Variants in PRCD observed in about 807,000 individuals in gnomAD.
The protein encoded by PRCD is photoreceptor disk component PRCD.
A neutral mutation model predicts 10.1 loss-of-function variants in PRCD; 12 were observed. That is an observed-to-expected ratio of 1.18 (90% CI 0.76 to 1.92). PRCD has a LOEUF of 1.92. Among genes scored for constraint, PRCD ranks in the 40% most tolerant of loss-of-function variants. PRCD has a pLI of 0.00. For synonymous variants in PRCD, 31 were observed against 26.2 expected (o/e 1.18, Z -0.56); for missense variants, 61 against 72.2 (o/e 0.84, Z 0.56).
rs1314139126 is a variant in PRCD at position 76,531,700 on chromosome 17, A to G, written n.45+3867A>G. On this transcript the variant is annotated intron_variant and non_coding_transcript_variant, in intron 1 of 4. Coordinates refer to the PRCD transcript ENST00000397633. The surrounding 1 kb of genome is among the most constrained non-coding windows in gnomAD (Gnocchi z 7.4). ...GGAAGTTCACAAAGAACCTGGCAAGAGGAACAGGGGTGGTCGCTGAAGCTG... is the reference window on the plus strand; with the variant it reads ...GGAAGTTCACAAAGAACCTGGCAAGGGGAACAGGGGTGGTCGCTGAAGCTG... 6.3e-7 allele frequency: 1 copy of G among 1,587,580 alleles called. No homozygotes were observed. The highest frequency in any genetic ancestry group is 8.6e-7 in the Non-Finnish European group (1 of 1,160,334).
upstream of PRCD, among the ~76,000 whole-genome samples, chr17:76,537,017 G>A (rs535335812): frequency 1.1e-4 from 16 of 152,318 alleles, no homozygotes; most frequent in Middle Eastern, 3.4e-3. Flanking sequence ...CTGAGCCTCG[G>A]TTTTCCCATC....
intron 1 of PRCD, among the ~76,000 whole-genome samples, chr17:76,534,440 A>C (rs1273237330): frequency 3.3e-5 from 5 of 152,176 alleles, no homozygotes; most frequent in African/African-American, 4.8e-5. Context: ...CGGCCTCACA[A>C]AGTGCTGGGA....
At chr17:76,542,530 C>G (rs200930462) in intron 2 of PRCD, 23 bp from the exon 3 acceptor site, 1 of 1,614,122 alleles carries the variant, frequency 6.2e-7, no homozygotes, top group Admixed American at 1.7e-5. Flanking sequence ...TCAATCCTGA[C>G]CCCAGTGCTT....
At position 76,531,890 on chromosome 17, in the gene PRCD, G is replaced by A; in HGVS notation, n.45+4057G>A. On this transcript the variant is annotated intron_variant and non_coding_transcript_variant, in intron 1 of 4. Coordinates refer to the PRCD transcript ENST00000397633. The surrounding 1 kb of genome is among the most constrained non-coding windows in gnomAD (Gnocchi z 7.4). ...AGCCGGCTCACCCCTACCAAGTCTG[G>A]CCATGTCTATCTGCCAGGCTTGCTC... The A allele has an allele frequency of 1.9e-6, 1 of 529,528 alleles. No individual in the cohort carries two copies. The highest frequency in any genetic ancestry group is 3.4e-6 in the Non-Finnish European group (1 of 296,598). The allele number at this position is 529,528 out of a possible 1,614,324, so 32.8% of individuals were successfully genotyped here.
chr17:76,546,493 C>T (rs1003784832), downstream of PRCD: 1 of 151,820 alleles, frequency 6.6e-6, no homozygotes, highest in African/African-American at 2.4e-5. The surrounding 1 kb of genome is among the most constrained non-coding windows in gnomAD (Gnocchi z 4.5). Flanking sequence ...TGGGCAAGGG[C>T]AAACAGTACA....
intron 1 of PRCD, chr17:76,529,380 G>C: frequency 1.0e-6 from 1 of 985,458 alleles, no homozygotes; most frequent in Non-Finnish European, 1.2e-6. Flanking sequence ...AGCAGAAGTG[G>C]GCGGAGGAGG....
chr17:76,532,530 CT>C (rs111936272), intron 1 of PRCD, among the ~76,000 whole-genome samples: 1,797 of 125,686 alleles, frequency 0.014, 6 homozygotes, highest in Middle Eastern at 0.07. Context: ...ATGACAATGG[CT>C]TTTTTTTTTT....
chr17:76,535,941 G>A (rs956163916), upstream of PRCD, among the ~76,000 whole-genome samples: 3 of 152,208 alleles, frequency 2.0e-5, no homozygotes, highest in African/African-American at 4.8e-5. Context: ...TGTGCCAGAC[G>A]CATGCAAGGC....
chr17:76,545,251 A>G lies in PRCD; in HGVS notation c.*1601A>G, dbSNP rs2075042681. ...CCTCTCTCAGCCTAGAGCTCCCCAC[A>G]GAAGGCTCCTGGGACCCGGGTGCCC... On this transcript the variant is annotated 3_prime_UTR_variant, in exon 5 of 5. Coordinates refer to ENST00000592014, the MANE Select transcript of PRCD (RefSeq NM_001077620.3). 1 of 456,686 alleles carries G rather than the reference A, an allele frequency of 2.2e-6. No individual in the cohort carries two copies. The highest frequency in any genetic ancestry group is 4.4e-6 in the Non-Finnish European group (1 of 226,986). 28.3% of individuals were successfully genotyped at this position (456,686 alleles called of 1,614,324 possible).
Position 76,533,646 on chromosome 17 carries a change from C to T in PRCD, n.45+5813C>T, listed in dbSNP as rs1472762781. ...CCTAAAGTGGGAGGATCACTTGAAC[C>T]CGGGAGGCCAAGGCTGCAGGGAGCC... On this transcript the variant is annotated intron_variant and non_coding_transcript_variant, in intron 1 of 4. Transcript: ENST00000397633. The surrounding 1 kb of genome is among the most constrained non-coding windows in gnomAD (Gnocchi z 4.5). Among the ~76,000 whole-genome samples the T allele has an allele frequency of 1.3e-5, 2 of 152,014 alleles. No individual in the cohort carries two copies. The highest frequency in any genetic ancestry group is 6.6e-5 in the Admixed American group (1 of 15,250).
At position 76,528,679 on chromosome 17, in the gene PRCD, G is replaced by C; in HGVS notation, n.45+846G>C. 8.1e-7 allele frequency: 1 copy of C among 1,229,050 alleles called. No individual in the cohort carries two copies. Among genetic ancestry groups the C allele is most frequent in the Non-Finnish European group, 1.0e-6 (1 of 969,234 alleles). The allele number at this position is 1,229,050 out of a possible 1,614,324, so 76.1% of individuals were successfully genotyped here. ...CAGGGAAGGACCCTCGGGGGAAAGG[G>C]GGAGGACCTGGGGCTGGCGAGGCTC... On this transcript the variant is annotated intron_variant and non_coding_transcript_variant, in intron 1 of 4. Coordinates refer to the PRCD transcript ENST00000397633. This position sits in a 1 kb window ranked among gnomAD's most constrained non-coding sequence, Gnocchi z 5.8.
chr17:76,550,623 G>C, intron 1 of PRCD: 1 of 152,124 alleles, frequency 6.6e-6, no homozygotes, highest in East Asian at 1.9e-4. Flanking sequence ...TGGTTACATG[G>C]GTCTATACAC....
Position 76,542,513 on chromosome 17 carries a change from G to C in PRCD, c.144-40G>C, listed in dbSNP as rs191841395. ...GGAGAGTCAGAAACATGGGAAGGTC[G>C]TGCCCTTCAATCCTGACCCCAGTGC... On this transcript the variant is annotated intron_variant, in intron 2 of 4. Coordinates refer to ENST00000592014, the MANE Select transcript of PRCD (RefSeq NM_001077620.3). 10 of 1,612,158 alleles carry C rather than the reference G, an allele frequency of 6.2e-6. No homozygotes were observed. The East Asian group carries it at 2.2e-4, about 36-fold the overall frequency.
chr17:76,545,748 C>A (rs991077205), downstream of PRCD: 6 of 235,904 alleles, frequency 2.5e-5, no homozygotes. Context: ...GTGGAAGATG[C>A]TTAGCATGTT....
upstream of PRCD, among the ~76,000 whole-genome samples, chr17:76,535,160 C>G (rs2074901570): frequency 6.6e-6 from 1 of 152,206 alleles, no homozygotes; most frequent in African/African-American, 2.4e-5. Context: ...AACGCCTCCT[C>G]CACCCCCACC....
chr17:76,544,908 C>CG lies in PRCD; in HGVS notation c.*1259dup, dbSNP rs1421888923. 2 of 456,678 alleles carry CG rather than the reference C, an allele frequency of 4.4e-6. No homozygotes were observed. Among genetic ancestry groups the CG allele is most frequent in the Admixed American group, 2.3e-5 (1 of 42,568 alleles). The allele number at this position is 456,678 out of a possible 1,614,324, so 28.3% of individuals were successfully genotyped here. A position where few individuals can be genotyped will look rare whatever the true frequency, so the allele number is the denominator to read the frequency against. ...GCAGCGCCCCTCCACGCCACTGTTCCGAGAACCTGCGCAGGAGGTGGTGGC... is the reference window on the plus strand; with the variant it reads ...GCAGCGCCCCTCCACGCCACTGTTCCGGAGAACCTGCGCAGGAGGTGGTGGC... On this transcript the variant is annotated 3_prime_UTR_variant, in exon 5 of 5. Transcript: ENST00000592014.
In PRCD at chr17:76,552,392, G is replaced by T. The variant is rs2075115946; in HGVS notation, n.84-717G>T. Reference sequence around the variant, plus strand: ...TTTTTTGTATTTTTAGTAGAGATGGGGTTTCACTGTGTTAGCCAGGATGGT... The same window carrying T: ...TTTTTTGTATTTTTAGTAGAGATGGTGTTTCACTGTGTTAGCCAGGATGGT... On this transcript the variant is annotated intron_variant and non_coding_transcript_variant, in intron 1 of 1. Transcript: ENST00000587063. Among the ~76,000 whole-genome samples the T allele has an allele frequency of 5.3e-5, 8 of 151,666 alleles. No homozygotes were observed. The South Asian group carries it at 1.7e-3, about 32-fold the overall frequency.
At chr17:76,543,667 T>C (rs1598214643) in intron 4 of PRCD, 136 bp from the exon 5 acceptor site, 2 of 436,120 alleles carry the variant, frequency 4.6e-6, no homozygotes, top group Non-Finnish European at 9.5e-6. Flanking sequence ...TTTGCAGGGG[T>C]TGGGGGTGGT....
upstream of PRCD, among the ~76,000 whole-genome samples, chr17:76,539,663 C>T (rs923070841): frequency 6.6e-6 from 1 of 152,184 alleles, no homozygotes; most frequent in Admixed American, 6.5e-5. Context: ...TCAGTAGCTT[C>T]GGCAGCGTCT....
Sources: allele counts gnomAD v4.1 joint callset (sites outside exome capture counted in the v4.1 genomes callset), GRCh38; gene constraint gnomAD v4.1.1; non-coding constraint Gnocchi (gnomAD v3.1); transcripts MANE v1.5; gene names NCBI Gene and HGNC (gene_info 2026-07-23, HGNC 2026-07-21).